Variants in CRIM1 observed in about 807,000 individuals in gnomAD.
CRIM1 encodes cysteine rich transmembrane BMP regulator 1.
A neutral mutation model predicts 116.4 loss-of-function variants in CRIM1; 32 were observed. The observed-to-expected ratio is 0.27, with a 90% CI of 0.21 to 0.37. CRIM1 has a LOEUF of 0.37. CRIM1 is among the 10% of genes least tolerant of loss of function. The pLI is 1.00. For missense variants in CRIM1, 1,331 were observed against 1,354.8 expected, an observed-to-expected ratio of 0.98 and a Z score of 0.28; for synonymous variants, 590 against 509.2, an observed-to-expected ratio of 1.16 and a Z score of -2.13.
At chr2:36,534,092 A>C in intron 13 of CRIM1, among the ~76,000 whole-genome samples, 1 of 137,732 alleles carries the variant, frequency 7.3e-6, no homozygotes, top group East Asian at 2.5e-4. Context: ...AGAGAGGGGA[A>C]AGGAAGGAAG....
At chr2:36,362,400 A>C (rs1162048855) in intron 1 of CRIM1, among the ~76,000 whole-genome samples, 1 of 152,196 alleles carries the variant, frequency 6.6e-6, no homozygotes, top group Non-Finnish European at 1.5e-5. Flanking sequence ...CATTCTCCTT[A>C]GAGCCTGTGC....
chr2:36,443,222 A>G (rs903354768), intron 4 of CRIM1, among the ~76,000 whole-genome samples: 3 of 152,192 alleles, frequency 2.0e-5, no homozygotes, highest in Admixed American at 6.5e-5. Context: ...GCTTTCTGGA[A>G]TAACAAACAC....
Position 36,537,366 on chromosome 2 carries a change from A to C in CRIM1, c.2443A>C (p.Lys815Gln). ...CPYCIEDTIP[K>Q]KVVCHFSGKA... ...CTTTTCACTAGAAGACACAATTCCA[A>C]AGAAGGTGGTGTGCCACTTCAGTGG... Residue 815 changes from lysine to glutamine, a missense_variant, in exon 14 of 17, where the codon AAG becomes CAG. Lys to Gln is a moderately conservative substitution (Grantham distance 53). Coordinates refer to ENST00000280527, the MANE Select transcript of CRIM1 (RefSeq NM_016441.3). The C allele has an allele frequency of 6.2e-7, 1 of 1,614,184 alleles. No individual in the cohort carries two copies. Among genetic ancestry groups the C allele is most frequent in the Non-Finnish European group, 8.5e-7 (1 of 1,180,028 alleles).
intron 1 of CRIM1, among the ~76,000 whole-genome samples, chr2:36,396,202 G>C (rs1672018222): frequency 6.6e-6 from 1 of 152,092 alleles, no homozygotes; most frequent in Non-Finnish European, 1.5e-5. Context: ...GAGCCACTGT[G>C]CCTGGCCAAA....
intron 13 of CRIM1, among the ~76,000 whole-genome samples, chr2:36,535,366 C>G (rs72868410): frequency 6.6e-6 from 1 of 152,160 alleles, no homozygotes; most frequent in East Asian, 1.9e-4. Flanking sequence ...TTTAAGGATT[C>G]CATATTAATC....
At chr2:36,486,154 C>G (rs1185893072) in intron 7 of CRIM1, among the ~76,000 whole-genome samples, 1 of 152,178 alleles carries the variant, frequency 6.6e-6, no homozygotes, top group East Asian at 1.9e-4. Context: ...CACATCCAGC[C>G]TTAATATATC....
chr2:36,382,231 A>T (rs1670836436), intron 1 of CRIM1, among the ~76,000 whole-genome samples: 2 of 152,240 alleles, frequency 1.3e-5, no homozygotes, highest in South Asian at 4.1e-4. Flanking sequence ...GCGTGTTGGC[A>T]AGCCAGCTTT....
intron 8 of CRIM1, among the ~76,000 whole-genome samples, chr2:36,501,373 C>A (rs1453063253): frequency 2.0e-5 from 3 of 152,208 alleles, no homozygotes; most frequent in African/African-American, 7.2e-5. Flanking sequence ...TCCTCAGTTA[C>A]ATGTGACCAT....
intron 2 of CRIM1, among the ~76,000 whole-genome samples, chr2:36,412,395 GT>G (rs1673282674): frequency 6.6e-6 from 1 of 152,158 alleles, no homozygotes. Context: ...GTGAAATTGT[GT>G]TTTGGAGAAG....
At position 36,483,835 on chromosome 2, in the gene CRIM1, C is replaced by A. The variant is rs190959189; in HGVS notation, c.1372+4141C>A. ...CTTTTTAGTTGAGTGAGGGAGCAGA[C>A]CCTGATACAGGGTTACCTTAACCAG... is the stretch of plus-strand genomic sequence containing the variant. On this transcript the variant is annotated intron_variant, in intron 7 of 16. Transcript: ENST00000280527. Among the ~76,000 whole-genome samples the A allele has an allele frequency of 8.5e-5, 13 of 152,306 alleles. No individual in the cohort carries two copies. The East Asian group carries it at 2.5e-3, about 29-fold the overall frequency.
At chr2:36,372,759 T>A (rs768137568) in intron 1 of CRIM1, among the ~76,000 whole-genome samples, 3 of 152,184 alleles carry the variant, frequency 2.0e-5, no homozygotes, top group Admixed American at 6.5e-5. Flanking sequence ...GTATGGTTGG[T>A]GGCTTTCCCA....
intron 7 of CRIM1, among the ~76,000 whole-genome samples, chr2:36,494,441 G>C (rs1464250570): frequency 1.3e-5 from 2 of 152,154 alleles, no homozygotes; most frequent in African/African-American, 4.8e-5. Flanking sequence ...GAATCAACAT[G>C]TGTTTGTGTA....
intron 2 of CRIM1, among the ~76,000 whole-genome samples, chr2:36,399,582 G>A (rs886140011): frequency 1.3e-5 from 2 of 152,176 alleles, no homozygotes; most frequent in Non-Finnish European, 2.9e-5. Context: ...GAGGAGTCTC[G>A]TGATAAAATG....
intron 8 of CRIM1, among the ~76,000 whole-genome samples, chr2:36,499,802 A>G (rs1280515653): frequency 1.3e-5 from 2 of 152,178 alleles, no homozygotes; most frequent in Non-Finnish European, 2.9e-5. Flanking sequence ...CCTCTAGAGT[A>G]TAGAAGAGTA....
intron 1 of CRIM1, among the ~76,000 whole-genome samples, chr2:36,363,045 A>G (rs1350135616): frequency 3.3e-5 from 5 of 151,824 alleles, no homozygotes; most frequent in Non-Finnish European, 7.4e-5. Flanking sequence ...TAAGAATACA[A>G]AAAAATTAGC....
intron 7 of CRIM1, among the ~76,000 whole-genome samples, chr2:36,492,124 A>T (rs1184498863): frequency 1.3e-5 from 2 of 152,200 alleles, no homozygotes; most frequent in African/African-American, 4.8e-5. Flanking sequence ...AACAGCCAAG[A>T]TTCCTTGGGA....
chr2:36,471,404 T>C (rs1422705420), intron 5 of CRIM1, among the ~76,000 whole-genome samples: 2 of 152,142 alleles, frequency 1.3e-5, no homozygotes, highest in African/African-American at 4.8e-5. Context: ...TATTGTGTTA[T>C]TTAAAGAAAT....
intron 8 of CRIM1, among the ~76,000 whole-genome samples, chr2:36,507,186 G>C (rs1485756594): frequency 6.6e-6 from 1 of 152,166 alleles, no homozygotes; most frequent in African/African-American, 2.4e-5. Flanking sequence ...TGTTTGCTAT[G>C]ATGATGCATT....
intron 7 of CRIM1, among the ~76,000 whole-genome samples, chr2:36,486,130 A>T (rs1042313246): frequency 6.6e-6 from 1 of 152,228 alleles, no homozygotes; most frequent in African/African-American, 2.4e-5. Flanking sequence ...GGTAAAGTAA[A>T]TGCAAAAGAC....
Sources: gnomAD v4.1 joint callset for allele counts (sites outside exome capture counted in the v4.1 genomes callset) on GRCh38, gnomAD v4.1.1 for gene constraint, MANE v1.5 for transcripts, NCBI Gene and HGNC (gene_info 2026-07-23, HGNC 2026-07-21) for gene names.